RAB30: variants seen among roughly 807,000 people sequenced by gnomAD.
RAB30 encodes ras-related protein Rab-30.
In RAB30, 9 loss-of-function variants were observed where a neutral mutation model predicts 25.1. The ratio of observed to expected loss-of-function variants is 0.36; its 90% confidence interval spans 0.22 to 0.63. The LOEUF is 0.63. RAB30 is among the 20% of genes least tolerant of loss of function. The probability of loss-of-function intolerance (pLI) is 0.69; values close to 1 mark genes in which losing one functional copy is unlikely to be tolerated. For missense variants in RAB30, 140 were observed against 243.5 expected (o/e 0.58, Z 2.83); for synonymous variants, 77 against 86.4 (o/e 0.89, Z 0.60).
intron 1 of RAB30, among the ~76,000 whole-genome samples, chr11:83,062,415 C>T (rs1433224302): frequency 1.3e-5 from 2 of 152,140 alleles, no homozygotes; most frequent in African/African-American, 2.4e-5. Flanking sequence ...ATGGTTCCAC[C>T]TTTGTTTTTT....
rs902317494 is a variant in RAB30 at position 82,978,640 on chromosome 11, G to A, written c.*3525C>T. ...AGTATGAGTCATGAACTGAAACTTG[G>A]TGTGGGATCTGGTGGAATTATGGGC... is the stretch of plus-strand genomic sequence containing the variant. On this transcript the variant is annotated 3_prime_UTR_variant, in exon 5 of 5. Transcript: ENST00000527633. 1 of 152,164 alleles carries A rather than the reference G, an allele frequency of 6.6e-6. No homozygotes were observed. Among genetic ancestry groups the A allele is most frequent in the Admixed American group, 6.5e-5 (1 of 15,278 alleles). 9.4% of individuals were successfully genotyped at this position (152,164 alleles called of 1,614,324 possible).
chr11:83,028,873 C>G (rs1218782050), intron 1 of RAB30, among the ~76,000 whole-genome samples: 1 of 152,116 alleles, frequency 6.6e-6, no homozygotes, highest in African/African-American at 2.4e-5. Flanking sequence ...CCTATCTCCA[C>G]AAAAAGTGAA....
At chr11:83,058,793 C>T (rs908323034) in intron 1 of RAB30, among the ~76,000 whole-genome samples, 1 of 152,176 alleles carries the variant, frequency 6.6e-6, no homozygotes, top group East Asian at 1.9e-4. Flanking sequence ...AGATGAAGAA[C>T]CTGAGTCTCA....
intron 1 of RAB30, among the ~76,000 whole-genome samples, chr11:83,055,554 C>T (rs1046151059): frequency 2.6e-5 from 4 of 152,260 alleles, no homozygotes; most frequent in African/African-American, 9.6e-5. Context: ...CTTATTACTT[C>T]TCAGTCCTTC....
chr11:83,065,009 C>G (rs903465985), intron 1 of RAB30, among the ~76,000 whole-genome samples: 1 of 151,966 alleles, frequency 6.6e-6, no homozygotes, highest in Non-Finnish European at 1.5e-5. Flanking sequence ...GTCTTTCATG[C>G]GTGACATTTT....
chr11:83,069,279 G>T (rs1232737913), intron 1 of RAB30, among the ~76,000 whole-genome samples: 1 of 152,122 alleles, frequency 6.6e-6, no homozygotes, highest in Non-Finnish European at 1.5e-5. Context: ...ATGAGAAGAT[G>T]GTGCATAAAA....
chr11:83,010,581 C>T (rs1857281928), intron 1 of RAB30, among the ~76,000 whole-genome samples: 1 of 151,816 alleles, frequency 6.6e-6, no homozygotes, highest in Non-Finnish European at 1.5e-5. Flanking sequence ...ATTAAAATAT[C>T]TTAGGGGCTC....
intron 1 of RAB30, among the ~76,000 whole-genome samples, chr11:83,014,682 GAA>G (rs1565277194): frequency 2.2e-5 from 3 of 137,324 alleles, no homozygotes; most frequent in East Asian, 2.1e-4. Context: ...AAGAAAGAAA[GAA>G]AGAAAGAAAG....
intron 4 of RAB30, among the ~76,000 whole-genome samples, chr11:82,984,802 T>C (rs940456845): frequency 1.3e-5 from 2 of 152,082 alleles, no homozygotes; most frequent in African/African-American, 2.4e-5. Flanking sequence ...GGGCAGGAAA[T>C]GCACAAGTTG....
intron 3 of RAB30, chr11:82,992,175 A>G: frequency 2.7e-6 from 1 of 369,086 alleles, no homozygotes; most frequent in Non-Finnish European, 5.5e-6. Context: ...GACAACAGAA[A>G]GCTACAAAAG....
chr11:82,993,370 T>C (rs1032391758), intron 3 of RAB30, among the ~76,000 whole-genome samples: 5 of 152,200 alleles, frequency 3.3e-5, no homozygotes, highest in African/African-American at 1.2e-4. Context: ...ACGAGGATAA[T>C]ACCACTTACC....
Position 82,987,572 on chromosome 11 carries a change from T to G in RAB30, c.361+15A>C. ...GCCCACAAATCAATTTCCCTCCTCG[T>G]TAGCCCTTACTTACCCACTAACACA... On this transcript the variant is annotated intron_variant, in intron 4 of 4. Coordinates refer to ENST00000527633, the MANE Select transcript of RAB30 (RefSeq NM_001286060.2). 1 of 1,591,572 alleles carries G rather than the reference T, an allele frequency of 6.3e-7. No individual in the cohort carries two copies. Among genetic ancestry groups the G allele is most frequent in the Non-Finnish European group, 8.6e-7 (1 of 1,165,274 alleles).
At chr11:83,014,634 AAAAGAAAGAAAGAAAGAAAG>A (rs58927757) in intron 1 of RAB30, among the ~76,000 whole-genome samples, 2,269 of 112,688 alleles carry the variant, frequency 0.02, 38 homozygotes, top group African/African-American at 0.041. Context: ...AGAAGTAAGA[AAAAGAAAGAAAGAAAGAAAG>A]AAAGAAAGAA....
At position 82,997,242 on chromosome 11, in the gene RAB30, G is replaced by A. The variant is rs139755224; in HGVS notation, c.75C>T (p.Leu25=). Residue 25 remains leucine (L), a synonymous_variant, in exon 2 of 5, where the codon CTC becomes CTT. Transcript: ENST00000527633. Reference sequence around the variant, plus strand: ...CCCTTACCTGAGTGAATCTTCGGACGAGGCACGTCTTCCCCACACCAGCGT... The same window carrying A: ...CCCTTACCTGAGTGAATCTTCGGACAAGGCACGTCTTCCCCACACCAGCGT... The part of the protein sequence containing the change: ...IGNAGVGKTC[L]VRRFTQGLFP... The A allele has an allele frequency of 3.1e-4, 493 of 1,611,032 alleles. No homozygotes were observed. The African/African-American group carries it at 3.5e-3, about 11-fold the overall frequency.
intron 1 of RAB30, among the ~76,000 whole-genome samples, chr11:83,062,959 C>T (rs923516757): frequency 3.2e-4 from 48 of 149,988 alleles, no homozygotes; most frequent in Admixed American, 9.4e-4. Context: ...GCCAAGATTG[C>T]GCCACTGCAC....
intron 3 of RAB30, among the ~76,000 whole-genome samples, chr11:82,990,427 T>A (rs1395855457): frequency 1.3e-5 from 2 of 152,230 alleles, no homozygotes; most frequent in African/African-American, 4.8e-5. Context: ...AGTAGGGTAT[T>A]AAAGAAGATT....
intron 1 of RAB30, among the ~76,000 whole-genome samples, chr11:83,052,689 G>A (rs1463228136): frequency 1.3e-5 from 2 of 152,200 alleles, no homozygotes; most frequent in Non-Finnish European, 2.9e-5. Flanking sequence ...ATGTGATCCT[G>A]TCTTAATCTT....
chr11:83,051,865 G>T (rs1231441554), intron 1 of RAB30, among the ~76,000 whole-genome samples: 1 of 152,114 alleles, frequency 6.6e-6, no homozygotes, highest in African/African-American at 2.4e-5. Flanking sequence ...GAATCTATTG[G>T]AAAATGAATC....
chr11:83,007,677 G>A (rs1010507654), intron 1 of RAB30, among the ~76,000 whole-genome samples: 9 of 152,132 alleles, frequency 5.9e-5, no homozygotes, highest in South Asian at 2.1e-4. Context: ...AGAGGCCACC[G>A]CTTAGGACCC....
Sources: gnomAD v4.1 joint callset for allele counts (sites outside exome capture counted in the v4.1 genomes callset) on GRCh38, gnomAD v4.1.1 for gene constraint, MANE v1.5 for transcripts, NCBI Gene and HGNC (gene_info 2026-07-23, HGNC 2026-07-21) for gene names.